Variants in CCZ1 observed in about 807,000 individuals in gnomAD.
The protein encoded by CCZ1 is vacuolar fusion protein CCZ1 homolog.
A neutral mutation model predicts 57.8 loss-of-function variants in CCZ1; 19 were observed. The ratio of observed to expected loss-of-function variants is 0.33; its 90% CI spans 0.23 to 0.48. The LOEUF is 0.48. Ranked by LOEUF, CCZ1 falls within the 20% of genes least tolerant of loss-of-function variation. The probability of loss-of-function intolerance (pLI) is 0.99; values close to 1 mark genes in which losing one functional copy is unlikely to be tolerated. For missense variants in CCZ1, 200 were observed against 492.0 expected (o/e 0.41, Z 5.61); for synonymous variants, 81 against 167.0 (o/e 0.49, Z 3.97).
At chr7:5,912,578 T>TTAG (rs1779061803) in intron 9 of CCZ1, among the ~76,000 whole-genome samples, 1 of 147,634 alleles carries the variant, frequency 6.8e-6, no homozygotes, top group Non-Finnish European at 1.5e-5. Flanking sequence ...TTTTGTAGTT[T>TTAG]TAGTAGAGAC....
chr7:5,900,257 T>C (rs1781653581), intron 1 of CCZ1, 27 bp from the exon 2 acceptor site: 1 of 1,361,724 alleles, frequency 7.3e-7, no homozygotes, highest in African/African-American at 1.5e-5. Context: ...TCTATTCATG[T>C]TGTGCTTCTG....
In CCZ1 at chr7:5,909,216, C is replaced by T. The variant is rs1333939129; in HGVS notation, c.699-819C>T. 4.1e-5 allele frequency among the ~76,000 whole-genome samples: 6 copies of T among 148,136 alleles called. No individual in the cohort carries two copies. The East Asian group carries it at 6.7e-4, about 16-fold the overall frequency. ...CCTGGACTCAAGTTTAACCCTTTAC[C>T]TTCCTTAACTTCGCAGTCAGGTGGT... On this transcript the variant is annotated intron_variant, in intron 7 of 14. Transcript: ENST00000325974.
intron 7 of CCZ1, among the ~76,000 whole-genome samples, chr7:5,907,828 TG>T (rs1251245811): frequency 0.018 from 757 of 42,354 alleles, no homozygotes; most frequent in Middle Eastern, 0.086. Flanking sequence ...CAGGCGCCAA[TG>T]CTTACACCTG....
intron 12 of CCZ1, among the ~76,000 whole-genome samples, chr7:5,920,701 A>C (rs1253952728): frequency 1.4e-5 from 2 of 138,496 alleles, no homozygotes; most frequent in Non-Finnish European, 3.2e-5. Flanking sequence ...TGAACTCCTG[A>C]CCTCAAGTGA....
chr7:5,911,745 T>C (rs1179529792), intron 8 of CCZ1, 116 bp from the exon 9 acceptor site: 1 of 1,164,572 alleles, frequency 8.6e-7, no homozygotes. Flanking sequence ...AGATCCTGTC[T>C]CTAAAAGAAA....
At chr7:5,905,046 A>C in intron 6 of CCZ1, 48 bp from the exon 7 acceptor site, 1 of 1,518,932 alleles carries the variant, frequency 6.6e-7, no homozygotes, top group Non-Finnish European at 9.0e-7. Flanking sequence ...GGAGCATTAT[A>C]TTCAGTGTAC....
chr7:5,908,417 T>A (rs1302638094), intron 7 of CCZ1, among the ~76,000 whole-genome samples: 1 of 147,756 alleles, frequency 6.8e-6, no homozygotes, highest in Non-Finnish European at 1.5e-5. Flanking sequence ...TTGGCTTGGT[T>A]GCCCAGGCTA....
At chr7:5,899,355 G>A (rs1462975184) in intron 1 of CCZ1, among the ~76,000 whole-genome samples, 1 of 145,908 alleles carries the variant, frequency 6.9e-6, no homozygotes, top group African/African-American at 2.5e-5. Flanking sequence ...GTGTGTGTGT[G>A]TGTGTGTGTG....
chr7:5,905,365 C>G lies in CCZ1; in HGVS notation c.698+96C>G, dbSNP rs965644960. The G allele has an allele frequency of 1.6e-5, 11 of 681,192 alleles. 1 individual carries two copies. Among genetic ancestry groups the G allele is most frequent in the South Asian group, 6.1e-5 (3 of 49,226 alleles). The allele number at this position is 681,192 out of a possible 1,614,324, so 42.2% of individuals were successfully genotyped here. A position where few individuals can be genotyped will look rare whatever the true frequency, so the allele number is the denominator to read the frequency against. ...TGACAGGTTGTCAAACAGGAACTTG[C>G]AGCGGGGAGGATGGGTAGGAAGCAT... On this transcript the variant is annotated intron_variant, in intron 7 of 14. Transcript: ENST00000325974.
chr7:5,909,716 AAATTTTTTTT>A (rs1305455253), intron 7 of CCZ1, among the ~76,000 whole-genome samples: 1 of 146,154 alleles, frequency 6.8e-6, no homozygotes, highest in African/African-American at 2.5e-5. Flanking sequence ...AAAGAAAAAA[AAATTTTTTTT>A]AATAAAAAAT....
intron 6 of CCZ1, 87 bp downstream of exon 6, chr7:5,902,831 T>A: frequency 6.8e-7 from 1 of 1,470,846 alleles, no homozygotes; most frequent in African/African-American, 1.5e-5. Context: ...GTTTCTTATA[T>A]ACAAAAAACC....
In CCZ1 at chr7:5,903,739, A is replaced by G. The variant is rs1781737087; in HGVS notation, c.522+995A>G. On this transcript the variant is annotated intron_variant, in intron 6 of 14. Coordinates refer to ENST00000325974, the MANE Select transcript of CCZ1 (RefSeq NM_015622.6). ...CTGGGTGTGGTGGCTTACGCCTGTG[A>G]TCCCACCACTTTGGGAGGCCGATGC... Among the ~76,000 whole-genome samples the G allele has an allele frequency of 7.4e-5, 11 of 147,692 alleles. No individual in the cohort carries two copies. In the South Asian group the frequency reaches 2.5e-3, roughly 33 times the overall value.
At chr7:5,907,609 G>A (rs151196140) in intron 7 of CCZ1, among the ~76,000 whole-genome samples, 4 of 145,992 alleles carry the variant, frequency 2.7e-5, no homozygotes, top group African/African-American at 7.7e-5. Context: ...TGACCAGCAG[G>A]GTTGGCCCTT....
Position 5,902,401 on chromosome 7 carries a change from G to A in CCZ1, c.439-260G>A, listed in dbSNP as rs2092752911. The A allele has an allele frequency of 3.0e-5, 12 of 400,124 alleles. No individual in the cohort carries two copies. The South Asian group carries it at 5.5e-4, about 18-fold the overall frequency. The allele number at this position is 400,124 out of a possible 1,614,324, so 24.8% of individuals were successfully genotyped here. A position where few individuals can be genotyped will look rare whatever the true frequency, so the allele number is the denominator to read the frequency against. ...GTGGGTGATATTATGTATGTAAATT[G>A]AAACTTCAGGGTAAGTTGAAATTTT... On this transcript the variant is annotated intron_variant, in intron 5 of 14. Coordinates refer to ENST00000325974, the MANE Select transcript of CCZ1 (RefSeq NM_015622.6).
At chr7:5,911,708 A>G (rs1779044140) in intron 8 of CCZ1, among the ~76,000 whole-genome samples, 153 bp from the exon 9 acceptor site, 1 of 149,660 alleles carries the variant, frequency 6.7e-6, no homozygotes, top group Non-Finnish European at 1.5e-5. Flanking sequence ...ATCATGCTGC[A>G]CGCATTCCAG....
intron 14 of CCZ1, 64 bp downstream of exon 14, chr7:5,924,026 TGGTTAAAAA>T: frequency 1.2e-6 from 1 of 857,328 alleles, no homozygotes; most frequent in South Asian, 1.3e-5. Flanking sequence ...TTAAGAAACA[TGGTTAAAAA>T]ATAGGTAAAT....
At chr7:5,902,963 G>C (rs553146892) in intron 6 of CCZ1, among the ~76,000 whole-genome samples, 9 of 148,620 alleles carry the variant, frequency 6.1e-5, no homozygotes, top group African/African-American at 1.5e-4. Context: ...AGAGCTTCCT[G>C]CGTTTGCCCG....
intron 7 of CCZ1, among the ~76,000 whole-genome samples, chr7:5,906,831 C>T (rs967912700): frequency 2.0e-5 from 3 of 150,752 alleles, no homozygotes; most frequent in Non-Finnish European, 4.4e-5. Context: ...ACTTTATCTC[C>T]TAGGAAGACA....
chr7:5,920,458 C>A (rs1779216940), intron 12 of CCZ1, among the ~76,000 whole-genome samples: 2 of 85,936 alleles, frequency 2.3e-5, no homozygotes, highest in South Asian at 6.7e-4. Context: ...TCCTTGAATT[C>A]TTTCTCCCTG....
Sources: gnomAD v4.1 joint callset for allele counts (sites outside exome capture counted in the v4.1 genomes callset) on GRCh38, gnomAD v4.1.1 for gene constraint, MANE v1.5 for transcripts, NCBI Gene and HGNC (gene_info 2026-07-23, HGNC 2026-07-21) for gene names.